Variants in ATP6V0A1 observed in about 807,000 individuals in gnomAD.
ATP6V0A1 encodes the protein ATPase H+ transporting V0 subunit a1.
In ATP6V0A1, 43 loss-of-function variants were observed where a neutral mutation model predicts 105.4. That is an observed-to-expected ratio of 0.41 (90% CI 0.32 to 0.53). The LOEUF is 0.53. ATP6V0A1 is among the 20% of genes least tolerant of loss of function. The probability of loss-of-function intolerance (pLI) is 0.30; values close to 1 mark genes in which losing one functional copy is unlikely to be tolerated. For synonymous variants in ATP6V0A1, 362 were observed against 372.8 expected, an observed-to-expected ratio of 0.97 and a Z score of 0.33; for missense variants, 676 against 1,051.1, an observed-to-expected ratio of 0.64 and a Z score of 4.93.
chr17:42,478,908 T>TA (rs967054522), intron 7 of ATP6V0A1: 6 of 156,694 alleles, frequency 3.8e-5, no homozygotes, highest in African/African-American at 1.4e-4. Flanking sequence ...CCAAATTTGG[T>TA]AATTTTTTTT....
rs1215130704 is a variant in ATP6V0A1, at chr17:42,522,224, TC to T, written c.*1105del. 1 of 152,492 alleles carries T rather than the reference TC, an allele frequency of 6.6e-6. No homozygotes were observed. The allele number at this position is 152,492 out of a possible 1,614,324, so 9.4% of individuals were successfully genotyped here. A position where few individuals can be genotyped will look rare whatever the true frequency, so the allele number is the denominator to read the frequency against. On this transcript the variant is annotated 3_prime_UTR_variant, in exon 22 of 22. Coordinates refer to ENST00000343619, the MANE Select transcript of ATP6V0A1 (RefSeq NM_001130021.3). ...CTCCTTGTCACCCCGAACCTTGTAA[TC>T]GTGTGCTGGCGTGGCAGCCCTGGCT...
chr17:42,517,766 AG>A (rs1390893765), intron 21 of ATP6V0A1, among the ~76,000 whole-genome samples: 1 of 152,158 alleles, frequency 6.6e-6, no homozygotes, highest in African/African-American at 2.4e-5. Flanking sequence ...AACCAGCTGT[AG>A]GGATGGTGCT....
At chr17:42,482,850 C>T (rs112603081) in intron 8 of ATP6V0A1, among the ~76,000 whole-genome samples, 188 bp from the exon 9 acceptor site, 1,557 of 144,746 alleles carry the variant, frequency 0.011, 35 homozygotes, top group African/African-American at 0.037. Flanking sequence ...GAGCTGAGAT[C>T]GTGCCACTTC....
At chr17:42,478,002 A>G (rs1481884404) in intron 6 of ATP6V0A1, among the ~76,000 whole-genome samples, 2 of 152,138 alleles carry the variant, frequency 1.3e-5, no homozygotes, top group Non-Finnish European at 2.9e-5. Flanking sequence ...AAAGTGTGGC[A>G]CATATACACA....
chr17:42,501,748 G>A (rs1370754999), intron 17 of ATP6V0A1, among the ~76,000 whole-genome samples: 3 of 151,560 alleles, frequency 2.0e-5, no homozygotes, highest in African/African-American at 4.8e-5. Flanking sequence ...ATTTGTGGCC[G>A]GGCGCAGTGC....
intron 15 of ATP6V0A1, 101 bp downstream of exon 15, chr17:42,499,143 C>T (rs2091448536): frequency 1.1e-6 from 1 of 869,696 alleles, no homozygotes; most frequent in African/African-American, 1.7e-5. Context: ...TAACTCAGAA[C>T]CTCATTCTAC....
At chr17:42,477,814 A>T in intron 6 of ATP6V0A1, 72 bp downstream of exon 6, 1 of 1,277,402 alleles carries the variant, frequency 7.8e-7, no homozygotes, top group Non-Finnish European at 1.1e-6. Context: ...GAGCAGTGAG[A>T]CTGGGGATTC....
rs142744727 is a variant in ATP6V0A1, at chr17:42,495,199, G to A, written c.1469+11G>A. ...TACTTATAATTGGACGTAAGTTGCA[G>A]AAGAAGCTAAAATTCAAAGCTTATT... On this transcript the variant is annotated intron_variant, in intron 13 of 21. Transcript: ENST00000343619. 103 of 1,612,616 alleles carry A rather than the reference G, an allele frequency of 6.4e-5. No homozygotes were observed. The highest frequency in any genetic ancestry group is 8.7e-5 in the Non-Finnish European group (102 of 1,178,896).
chr17:42,500,885 T>A lies in ATP6V0A1; in HGVS notation c.1858T>A (p.Tyr620Asn). The A allele has an allele frequency of 6.2e-7, 1 of 1,614,126 alleles. No individual in the cohort carries two copies. Among genetic ancestry groups the A allele is most frequent in the Non-Finnish European group, 8.5e-7 (1 of 1,179,962 alleles). Reference sequence around the variant, plus strand: ...TTTCATAAACATGTTCCTCTTTTCCTACCCAGAGTCTGGTTATTCAATGTT... The same window carrying A: ...TTTCATAAACATGTTCCTCTTTTCCAACCCAGAGTCTGGTTATTCAATGTT... The part of the protein sequence containing the change: ...IHFINMFLFS[Y>N]PESGYSMLYS... Residue 620 changes from tyrosine to asparagine, a missense_variant, in exon 16 of 22, where the codon TAC becomes AAC. Around this residue, in one of 3 missense-constraint regions of ATP6V0A1, gnomAD observed 435 missense variants for 642.2 expected, o/e 0.68. Transcript: ENST00000343619.
intron 9 of ATP6V0A1, among the ~76,000 whole-genome samples, chr17:42,485,896 A>G (rs1333980901): frequency 2.0e-5 from 3 of 152,202 alleles, no homozygotes; most frequent in Non-Finnish European, 2.9e-5. Context: ...AGCTATCTTC[A>G]AGTGATGTGT....
At position 42,521,182 on chromosome 17, in the gene ATP6V0A1, G is replaced by A. The variant is rs1037137770; in HGVS notation, c.*62G>A. ...CCGCCTCCCTCCACAGTGATCAGCT[G>A]TGCCTCTCTGCCTGTTGGTTGTGAT... On this transcript the variant is annotated 3_prime_UTR_variant, in exon 22 of 22. Coordinates refer to ENST00000343619, the MANE Select transcript of ATP6V0A1 (RefSeq NM_001130021.3). The surrounding 1 kb of genome is among the most constrained non-coding windows in gnomAD (Gnocchi z 4.8). 1 of 1,415,206 alleles carries A rather than the reference G, an allele frequency of 7.1e-7. No individual in the cohort carries two copies. The highest frequency in any genetic ancestry group is 9.6e-7 in the Non-Finnish European group (1 of 1,038,168). The allele number at this position is 1,415,206 out of a possible 1,614,324, so 87.7% of individuals were successfully genotyped here.
chr17:42,477,490 CT>C, intron 5 of ATP6V0A1, 169 bp from the exon 6 acceptor site: 1 of 581,364 alleles, frequency 1.7e-6, no homozygotes, highest in Non-Finnish European at 2.9e-6. Flanking sequence ...TTTTCATCCC[CT>C]ATTCTTCTTG....
chr17:42,498,630 T>C (rs1175878918), intron 14 of ATP6V0A1, among the ~76,000 whole-genome samples: 1 of 151,924 alleles, frequency 6.6e-6, no homozygotes, highest in Non-Finnish European at 1.5e-5. Flanking sequence ...ATCGAGACCA[T>C]CCTGGCTAAC....
chr17:42,477,887 T>C, intron 6 of ATP6V0A1, 145 bp downstream of exon 6: 2 of 666,796 alleles, frequency 3.0e-6, no homozygotes, highest in Non-Finnish European at 4.9e-6. Flanking sequence ...TCTGGATTCA[T>C]GCCTGAGTTG....
chr17:42,469,631 C>T (rs904508489), intron 4 of ATP6V0A1, among the ~76,000 whole-genome samples: 4 of 151,470 alleles, frequency 2.6e-5, no homozygotes, highest in Non-Finnish European at 4.4e-5. Flanking sequence ...TCACCATGCC[C>T]GGCCAGGAAA....
At chr17:42,493,660 C>G (rs1278241097) in intron 11 of ATP6V0A1, among the ~76,000 whole-genome samples, 1 of 151,950 alleles carries the variant, frequency 6.6e-6, no homozygotes, top group Non-Finnish European at 1.5e-5. Context: ...AATTTTAAAA[C>G]AAAATTAACT....
chr17:42,518,273 G>T (rs1488694794), intron 21 of ATP6V0A1: 1 of 152,060 alleles, frequency 6.6e-6, no homozygotes, highest in Non-Finnish European at 1.5e-5. Context: ...CTCACAGATT[G>T]GGTGGTGATT....
chr17:42,496,401 C>T (rs938315454), intron 14 of ATP6V0A1: 7 of 152,006 alleles, frequency 4.6e-5, no homozygotes, highest in Admixed American at 3.9e-4. Flanking sequence ...CTTATATTTA[C>T]GAACTTACAA....
chr17:42,488,278 G>A (rs1446663422), intron 10 of ATP6V0A1, among the ~76,000 whole-genome samples: 1 of 152,170 alleles, frequency 6.6e-6, no homozygotes, highest in African/African-American at 2.4e-5. Flanking sequence ...TGTATGTTTG[G>A]ACAAGAACAG....
Sources: allele counts gnomAD v4.1 joint callset (sites outside exome capture counted in the v4.1 genomes callset), GRCh38; gene constraint gnomAD v4.1.1; regional missense constraint gnomAD v4.1.1; non-coding constraint Gnocchi (gnomAD v3.1); transcripts MANE v1.5; gene names NCBI Gene and HGNC (gene_info 2026-07-23, HGNC 2026-07-21).